ITGB2: variants seen among roughly 807,000 people sequenced by gnomAD.
ITGB2 encodes integrin beta-2.
A neutral mutation model predicts 86.8 loss-of-function variants in ITGB2; 56 were observed. The observed-to-expected ratio is 0.65, with a 90% CI of 0.52 to 0.81. The LOEUF (loss-of-function observed/expected upper bound fraction) is 0.81. ITGB2 is among the 30% of genes least tolerant of loss of function. The pLI is 0.00. For synonymous variants in ITGB2, 457 were observed against 450.4 expected (o/e 1.01, Z -0.19); for missense variants, 948 against 1,061.2 (o/e 0.89, Z 1.48).
At chr21:44,906,531 C>G (rs954437055) in intron 4 of ITGB2, among the ~76,000 whole-genome samples, 1 of 152,164 alleles carries the variant, frequency 6.6e-6, no homozygotes, top group Non-Finnish European at 1.5e-5. Context: ...TAAACAGTTA[C>G]TTAGGTCTCT....
chr21:44,914,891 C>T (rs1490637761), intron 1 of ITGB2, among the ~76,000 whole-genome samples: 2 of 151,902 alleles, frequency 1.3e-5, no homozygotes, highest in Non-Finnish European at 2.9e-5. Flanking sequence ...CCTAATGGCA[C>T]TGCTGAACTC....
intron 1 of ITGB2, chr21:44,911,038 C>T (rs1315032497): frequency 3.5e-6 from 2 of 567,466 alleles, no homozygotes; most frequent in African/African-American, 3.8e-5. Flanking sequence ...CAGCGGGCCC[C>T]TGCAGAGGCA....
intron 3 of ITGB2, among the ~76,000 whole-genome samples, chr21:44,909,136 G>T (rs541326033): frequency 6.6e-6 from 1 of 152,220 alleles, no homozygotes; most frequent in African/African-American, 2.4e-5. Context: ...CTGCGGGTGC[G>T]ATTTGATGAG....
chr21:44,905,005 T>C (rs1400012904), intron 4 of ITGB2, among the ~76,000 whole-genome samples: 1 of 152,100 alleles, frequency 6.6e-6, no homozygotes, highest in East Asian at 1.9e-4. Flanking sequence ...AGACAGTAAA[T>C]GTGTTTGGCT....
intron 8 of ITGB2, among the ~76,000 whole-genome samples, chr21:44,897,179 C>G (rs1212563732): frequency 6.6e-6 from 1 of 152,250 alleles, no homozygotes; most frequent in African/African-American, 2.4e-5. Context: ...ATGGCAGGAA[C>G]CGCTGGTCTC....
In ITGB2 at chr21:44,910,274, A is replaced by G; in HGVS notation, c.147+10T>C. 6.2e-7 allele frequency: 1 copy of G among 1,613,406 alleles called. No individual in the cohort carries two copies. The highest frequency in any genetic ancestry group is 8.5e-7 in the Non-Finnish European group (1 of 1,179,752). ...CTGGGCAGGTGGGGAGGGGTCCAGG[A>G]GGCACTTACCAGCTTCTGGCACCAG... On this transcript the variant is annotated intron_variant, in intron 3 of 15. Coordinates refer to ENST00000652462, the MANE Select transcript of ITGB2 (RefSeq NM_000211.5).
intron 13 of ITGB2, 140 bp downstream of exon 13, chr21:44,889,136 G>T (rs1031323397): frequency 3.7e-6 from 3 of 821,634 alleles, no homozygotes; most frequent in South Asian, 1.6e-5. Context: ...GGCCGCGGAG[G>T]GCCCCTCAGT....
intron 1 of ITGB2, among the ~76,000 whole-genome samples, chr21:44,919,002 C>A (rs955487164): frequency 1.3e-5 from 2 of 152,260 alleles, no homozygotes; most frequent in Non-Finnish European, 2.9e-5. Context: ...TGAGCATTCC[C>A]CTCTCCCAGC....
chr21:44,903,312 T>A, intron 5 of ITGB2, 53 bp downstream of exon 5: 2 of 1,607,708 alleles, frequency 1.2e-6, no homozygotes, highest in South Asian at 2.2e-5. Context: ...CAGGCAGGAG[T>A]GGCCAGGGTC....
upstream of ITGB2, among the ~76,000 whole-genome samples, chr21:44,922,177 G>A (rs370160726): frequency 2.6e-5 from 4 of 152,154 alleles, no homozygotes; most frequent in Non-Finnish European, 5.9e-5. Flanking sequence ...GAATATTAAC[G>A]CTGTGAAACA....
intron 4 of ITGB2, among the ~76,000 whole-genome samples, chr21:44,903,967 C>T (rs530542778): frequency 1.1e-4 from 17 of 152,282 alleles, no homozygotes; most frequent in African/African-American, 3.6e-4. Context: ...CCACGCGGGC[C>T]GTCCCCAGGA....
intron 8 of ITGB2, among the ~76,000 whole-genome samples, chr21:44,896,199 T>C (rs1460364910): frequency 6.6e-6 from 1 of 152,226 alleles, no homozygotes; most frequent in Non-Finnish European, 1.5e-5. Context: ...TGGGAGGACG[T>C]GCATGGTGGC....
intron 6 of ITGB2, among the ~76,000 whole-genome samples, chr21:44,901,088 G>A (rs2083949408): frequency 1.3e-5 from 2 of 152,318 alleles, no homozygotes; most frequent in East Asian, 1.9e-4. Context: ...GGGTGGGCGG[G>A]ACGTGGAGAG....
At chr21:44,910,016 G>C (rs2084104901) in intron 3 of ITGB2, among the ~76,000 whole-genome samples, 1 of 152,224 alleles carries the variant, frequency 6.6e-6, no homozygotes, top group South Asian at 2.1e-4. Context: ...GACCTCCCTT[G>C]AAGTACTAAG....
chr21:44,893,563 T>C lies in ITGB2; in HGVS notation c.1084-19A>G, dbSNP rs561503933. The C allele has an allele frequency of 6.2e-7, 1 of 1,612,986 alleles. No individual in the cohort carries two copies. The highest frequency in any genetic ancestry group is 2.2e-5 in the East Asian group (1 of 44,838). On this transcript the variant is annotated intron_variant, in intron 9 of 15. Transcript: ENST00000652462. ...AGAGTTTCTGCGGGCAGAGAGCGGT[T>C]ACTCTTGGGGGCGAGTGTTTCTGTT...
chr21:44,890,987 G>T lies in ITGB2; in HGVS notation c.1413-765C>A, dbSNP rs1339744392. On this transcript the variant is annotated intron_variant, in intron 11 of 15. Coordinates refer to ENST00000652462, the MANE Select transcript of ITGB2 (RefSeq NM_000211.5). ...AGACCACAGAGACCATCATTGTCCT[G>T]AGATATGGGAGGAGGCTGGGGGCAG... is the stretch of plus-strand genomic sequence containing the variant. Among the ~76,000 whole-genome samples the T allele has an allele frequency of 3.9e-5, 6 of 152,060 alleles. No homozygotes were observed. The South Asian group carries it at 1.2e-3, about 32-fold the overall frequency.
upstream of ITGB2, among the ~76,000 whole-genome samples, chr21:44,925,875 G>A (rs1190766198): frequency 3.3e-5 from 5 of 152,118 alleles, no homozygotes; most frequent in Non-Finnish European, 4.4e-5. Flanking sequence ...TCAGGAGTTC[G>A]AGACCATCCT....
At chr21:44,898,466 G>C (rs897805166) in intron 8 of ITGB2, among the ~76,000 whole-genome samples, 3 of 152,238 alleles carry the variant, frequency 2.0e-5, no homozygotes, top group African/African-American at 7.2e-5. Context: ...AGCTCTGCAA[G>C]TCCTTCCGGC....
upstream of ITGB2, among the ~76,000 whole-genome samples, chr21:44,922,514 T>A (rs2084319459): frequency 6.6e-6 from 1 of 151,566 alleles, no homozygotes; most frequent in Non-Finnish European, 1.5e-5. Flanking sequence ...TACAAAAAAA[T>A]TTTCTAAGAA....
Sources: allele counts gnomAD v4.1 joint callset (sites outside exome capture counted in the v4.1 genomes callset), GRCh38; gene constraint gnomAD v4.1.1; transcripts MANE v1.5; gene names NCBI Gene and HGNC (gene_info 2026-07-23, HGNC 2026-07-21).